The following CCDC159 variants were observed in gnomAD, a reference collection of about 807,000 sequenced individuals.
CCDC159 encodes the protein coiled-coil domain-containing protein 159.
Under a neutral mutation model 50.9 loss-of-function variants are expected in CCDC159, and 40 were observed. The ratio of observed to expected loss-of-function variants is 0.79; its 90% CI spans 0.61 to 1.02. The LOEUF (loss-of-function observed/expected upper bound fraction) is 1.02, where lower values mean the gene tolerates loss of function less well. Ranked by LOEUF, CCDC159 falls within the 50% of genes least tolerant of loss-of-function variation. CCDC159 has a pLI of 0.00. For missense variants in CCDC159, 356 were observed against 371.5 expected (o/e 0.96, Z 0.34); for synonymous variants, 146 against 138.9 (o/e 1.05, Z -0.36).
chr19:11,353,278 T>C, intron 7 of CCDC159, 173 bp from the exon 8 acceptor site: 1 of 547,304 alleles, frequency 1.8e-6, no homozygotes, highest in South Asian at 2.4e-5. Context: ...CTTTTTGTAT[T>C]TTTAGTAGAG....
At chr19:11,353,229 T>C in intron 7 of CCDC159, 2 of 314,640 alleles carry the variant, frequency 6.4e-6, no homozygotes, top group Non-Finnish European at 1.2e-5. Context: ...GCCTCTCGAG[T>C]AGCTGGGACA....
At position 11,354,883 on chromosome 19, in the gene CCDC159, C is replaced by G. The variant is rs773732356; in HGVS notation, c.*6C>G. On this transcript the variant is annotated 3_prime_UTR_variant, in exon 11 of 11. Transcript: ENST00000458408. Reference sequence around the variant, plus strand: ...CCTCTCTCTCCACAGCTTGAGCAGCCGGGACTGCTCTCCCTGAAGACCCCT... The same window carrying G: ...CCTCTCTCTCCACAGCTTGAGCAGCGGGGACTGCTCTCCCTGAAGACCCCT... 8.7e-6 allele frequency: 14 copies of G among 1,613,396 alleles called. No homozygotes were observed. The highest frequency in any genetic ancestry group is 5.1e-6 in the Non-Finnish European group (6 of 1,179,838).
rs781497063 is a variant in CCDC159 at position 11,353,843 on chromosome 19, G to A, written c.741G>A (p.Ser247=). The A allele has an allele frequency of 3.1e-5, 50 of 1,592,110 alleles. No homozygotes were observed. The highest frequency in any genetic ancestry group is 4.0e-5 in the African/African-American group (3 of 74,418). Residue 247 remains serine (S), a synonymous_variant, in exon 9 of 11, where the codon TCG becomes TCA. Transcript: ENST00000458408. The stretch of plus-strand genomic sequence containing the variant: ...CCATAGACAGCCTCACTTTGTGCTC[G>A]GGGGCCTGTCCCAAGGCCTCGAGCC... ...QNSIDSLTLC[S]GACPKASSLR... is the part of the protein sequence containing the mutation.
At chr19:11,353,671 C>G in intron 8 of CCDC159, 99 bp downstream of exon 8, 1 of 1,577,004 alleles carries the variant, frequency 6.3e-7, no homozygotes, top group Non-Finnish European at 8.6e-7. Context: ...CCACCTGAGT[C>G]CAGACTTCCC....
chr19:11,349,088 G>A (rs1967428448), intron 1 of CCDC159: 1 of 1,347,444 alleles, frequency 7.4e-7, no homozygotes, highest in Non-Finnish European at 9.8e-7. Flanking sequence ...GCCAGGGTGG[G>A]GCTCAGGGCC....
Position 11,353,498 on chromosome 19 carries a change from G to A in CCDC159, c.615G>A (p.Pro205=), listed in dbSNP as rs538669829. The change falls in exon 8 of 11, where the codon CCG becomes CCA. Residue 205 remains proline (P), a synonymous_variant. Coordinates refer to ENST00000458408, the MANE Select transcript of CCDC159 (RefSeq NM_001080503.3). ...KQQGHETAAC[P]ETEEIPQGAS... ...AGGGTCATGAGACAGCCGCCTGTCC[G>A]GAGACTGAAGAGATACCGCAGGGAG... The A allele has an allele frequency of 2.5e-5, 41 of 1,609,960 alleles. No homozygotes were observed. Among genetic ancestry groups the A allele is most frequent in the South Asian group, 1.0e-4 (9 of 90,166 alleles).
Position 11,346,688 on chromosome 19 carries a change from A to G in CCDC159, c.21+61A>G, listed in dbSNP as rs929215366. 2.6e-5 allele frequency: 40 copies of G among 1,528,598 alleles called. No individual in the cohort carries two copies. The Admixed American group carries it at 5.1e-4, about 19-fold the overall frequency. The allele number at this position is 1,528,598 out of a possible 1,614,324, so 94.7% of individuals were successfully genotyped here. A position where few individuals can be genotyped will look rare whatever the true frequency, so the allele number is the denominator to read the frequency against. On this transcript the variant is annotated intron_variant, in intron 1 of 10. Transcript: ENST00000458408. The stretch of plus-strand genomic sequence containing the variant: ...GTAGATTTCACAACCCAGGGGGCGG[A>G]GCCAGGATGATGACCCCGCCCCCTC...
chr19:11,353,541 G>A lies in CCDC159; in HGVS notation c.658G>A (p.Asp220Asn). The A allele has an allele frequency of 6.2e-7, 1 of 1,613,736 alleles. No individual in the cohort carries two copies. Among genetic ancestry groups the A allele is most frequent in the Non-Finnish European group, 8.5e-7 (1 of 1,179,804 alleles). ...GCAGGGAGCCAGTGGCTGCTGGAAG[G>A]ATGACCTCCAGAAGGAACTGAGTGA... ...IPQGASGCWK[D>N]DLQKELSDIW... The change falls in exon 8 of 11, where the codon GAT (aspartate) becomes AAT (asparagine). Residue 220 changes from aspartate to asparagine, a missense_variant. Coordinates refer to ENST00000458408, the MANE Select transcript of CCDC159 (RefSeq NM_001080503.3).
intron 1 of CCDC159, 115 bp from the exon 2 acceptor site, chr19:11,349,539 G>T: frequency 7.3e-7 from 1 of 1,374,088 alleles, no homozygotes. Flanking sequence ...TTACGGTTTG[G>T]GACACCTAGA....
chr19:11,353,623 C>T, intron 8 of CCDC159, 51 bp downstream of exon 8: 1 of 1,603,122 alleles, frequency 6.2e-7, no homozygotes, highest in South Asian at 1.1e-5. Context: ...AACCCGTTCC[C>T]CCAACGGGAT....
At position 11,346,552 on chromosome 19, in the gene CCDC159, T is replaced by C. The variant is rs1431106339; in HGVS notation, c.-55T>C. ...CTCTGAGCGTTTTAATACGATGGTGTCCCCGCGGGATCAAACTTCAGCGTC... is the reference window on the plus strand; with the variant it reads ...CTCTGAGCGTTTTAATACGATGGTGCCCCCGCGGGATCAAACTTCAGCGTC... On this transcript the variant is annotated 5_prime_UTR_variant, in exon 1 of 11. Coordinates refer to ENST00000458408, the MANE Select transcript of CCDC159 (RefSeq NM_001080503.3). 9 of 1,546,798 alleles carry C rather than the reference T, an allele frequency of 5.8e-6. No individual in the cohort carries two copies. In the Admixed American group the frequency reaches 1.8e-4, roughly 30 times the overall value.
At chr19:11,353,361 A>C in intron 7 of CCDC159, 90 bp from the exon 8 acceptor site, 1 of 1,385,142 alleles carries the variant, frequency 7.2e-7, no homozygotes, top group Non-Finnish European at 9.7e-7. Flanking sequence ...CGGCCTCCCA[A>C]AGTGCTGGGA....
chr19:11,348,575 C>A (rs973600736), intron 1 of CCDC159, among the ~76,000 whole-genome samples: 2 of 152,182 alleles, frequency 1.3e-5, no homozygotes, highest in Non-Finnish European at 1.5e-5. Flanking sequence ...AGGCGTGAGC[C>A]ACCATTGCTG....
chr19:11,349,824 C>G (rs1298662050), intron 2 of CCDC159, 114 bp from the exon 3 acceptor site: 1 of 1,214,234 alleles, frequency 8.2e-7, no homozygotes, highest in South Asian at 1.3e-5. Flanking sequence ...GGCCCCTGTT[C>G]TATATCTTAT....
Position 11,346,592 on chromosome 19 carries a change from G to A in CCDC159, c.-15G>A. ...ACTTCAGCGTCACAGCTGAGGACTG[G>A]CTTCGTGGTCCCTGATGGGAGAGCA... On this transcript the variant is annotated 5_prime_UTR_variant, in exon 1 of 11. Transcript: ENST00000458408. 2 of 1,551,522 alleles carry A rather than the reference G, an allele frequency of 1.3e-6. No homozygotes were observed. The highest frequency in any genetic ancestry group is 1.7e-6 in the Non-Finnish European group (2 of 1,146,912).
intron 1 of CCDC159, chr19:11,348,847 A>G (rs765649991): frequency 6.5e-6 from 4 of 614,380 alleles, no homozygotes; most frequent in South Asian, 5.4e-5. Context: ...GCCTGCTAAC[A>G]TGAAGTGTGA....
chr19:11,354,848 C>T (rs1193801475), intron 10 of CCDC159, 25 bp from the exon 11 acceptor site: 3 of 1,613,188 alleles, frequency 1.9e-6, no homozygotes, highest in Non-Finnish European at 2.5e-6. Flanking sequence ...CTGGCCAGGC[C>T]CTGACCCACC....
At chr19:11,349,551 C>T (rs1362588415) in intron 1 of CCDC159, 103 bp from the exon 2 acceptor site, 1 of 1,480,678 alleles carries the variant, frequency 6.8e-7, no homozygotes, top group South Asian at 1.2e-5. Flanking sequence ...ACACCTAGAA[C>T]TGAGGAGATC....
rs1967639572 is a variant in CCDC159, at chr19:11,352,501, G to C, written c.567+368G>C. ...GGCACCTGTAATCCCAGCTACTCAG[G>C]AGACTGAGGATGGAGAATGGCTTGA... On this transcript the variant is annotated intron_variant, in intron 7 of 10. Coordinates refer to ENST00000458408, the MANE Select transcript of CCDC159 (RefSeq NM_001080503.3). 10 of 242,900 alleles carry C rather than the reference G, an allele frequency of 4.1e-5. No homozygotes were observed. In the South Asian group the frequency reaches 4.7e-4, roughly 11 times the overall value. 15.0% of individuals were successfully genotyped at this position (242,900 alleles called of 1,614,324 possible).
Sources: gnomAD v4.1 joint callset for allele counts (sites outside exome capture counted in the v4.1 genomes callset) on GRCh38, gnomAD v4.1.1 for gene constraint, MANE v1.5 for transcripts, NCBI Gene and HGNC (gene_info 2026-07-23, HGNC 2026-07-21) for gene names.